Variants in TYW1B observed in about 807,000 individuals in gnomAD.
TYW1B encodes the protein S-adenosyl-L-methionine-dependent tRNA 4-demethylwyosine synthase TYW1B.
TYW1B carries 73 observed loss-of-function variants against 86.9 expected under a neutral mutation model. The ratio of observed to expected loss-of-function variants is 0.84; its 90% CI spans 0.70 to 1.02. The LOEUF is 1.02. TYW1B is among the 50% of genes least tolerant of loss of function. TYW1B has a pLI of 0.00. For synonymous variants in TYW1B, 248 were observed against 292.8 expected (o/e 0.85, Z 1.56); for missense variants, 637 against 827.4 (o/e 0.77, Z 2.82).
chr7:72,786,561 A>T (rs1290821938), intron 6 of TYW1B, among the ~76,000 whole-genome samples: 1 of 147,616 alleles, frequency 6.8e-6, no homozygotes, highest in Non-Finnish European at 1.5e-5. Context: ...CAAAGTTTTT[A>T]AATTCTTTTT....
intron 10 of TYW1B, among the ~76,000 whole-genome samples, chr7:72,705,564 A>C (rs1314746723): frequency 3.3e-5 from 5 of 152,220 alleles, no homozygotes; most frequent in Non-Finnish European, 7.3e-5. Context: ...CTCACCAAAA[A>C]AGAGCTATGA....
At chr7:72,747,171 T>C (rs1787410544) in intron 7 of TYW1B, among the ~76,000 whole-genome samples, 2 of 152,198 alleles carry the variant, frequency 1.3e-5, no homozygotes, top group African/African-American at 4.8e-5. Context: ...TCCCACGTGT[T>C]GTGGGAGAGA....
At chr7:72,805,665 T>C (rs1291346970) in intron 5 of TYW1B, among the ~76,000 whole-genome samples, 13 of 150,590 alleles carry the variant, frequency 8.6e-5, no homozygotes, top group Admixed American at 4.6e-4. Flanking sequence ...AATGAGGTCA[T>C]AGTAAGCATG....
intron 6 of TYW1B, among the ~76,000 whole-genome samples, chr7:72,796,600 A>G (rs4080128): frequency 6.6e-6 from 1 of 151,780 alleles, no homozygotes; most frequent in African/African-American, 2.4e-5. Context: ...TTTGAAGCTC[A>G]AATTGTTCCA....
chr7:72,775,199 T>C (rs1787933864), intron 7 of TYW1B, among the ~76,000 whole-genome samples: 1 of 152,078 alleles, frequency 6.6e-6, no homozygotes. Flanking sequence ...TTATTACATA[T>C]ATAACTGTAG....
At chr7:72,587,513 G>C (rs1231787053) in intron 13 of TYW1B, among the ~76,000 whole-genome samples, 6 of 152,124 alleles carry the variant, frequency 3.9e-5, no homozygotes, top group Non-Finnish European at 8.8e-5. Context: ...AACTGAAGAT[G>C]TCCTCTTGAG....
At chr7:72,743,970 C>T (rs1271245089) in intron 8 of TYW1B, among the ~76,000 whole-genome samples, 3 of 152,016 alleles carry the variant, frequency 2.0e-5, no homozygotes, top group East Asian at 1.9e-4. Flanking sequence ...TTCCCAATTG[C>T]TGTAAAGACT....
intron 11 of TYW1B, among the ~76,000 whole-genome samples, chr7:72,685,112 G>GAA (rs782187369): frequency 4.0e-5 from 4 of 98,766 alleles, no homozygotes; most frequent in Non-Finnish European, 6.2e-5. Flanking sequence ...ACTCAATCTC[G>GAA]AAAAAAAAAA....
chr7:72,585,672 G>A (rs1811257591), intron 13 of TYW1B, among the ~76,000 whole-genome samples: 1 of 152,144 alleles, frequency 6.6e-6, no homozygotes, highest in Non-Finnish European at 1.5e-5. Context: ...GTTTTACGAA[G>A]GGGGGTTTCC....
At chr7:72,759,343 A>C (rs1249028415) in intron 7 of TYW1B, among the ~76,000 whole-genome samples, 1 of 152,200 alleles carries the variant, frequency 6.6e-6, no homozygotes, top group Non-Finnish European at 1.5e-5. Context: ...TCAAAATTTT[A>C]AAAAAGCTAC....
At chr7:72,811,919 CAAAAA>C (rs66698234) in intron 3 of TYW1B, among the ~76,000 whole-genome samples, 12 of 108,652 alleles carry the variant, frequency 1.1e-4, no homozygotes, top group Non-Finnish European at 1.5e-4. Context: ...GACTCCATCT[CAAAAA>C]AAAAAAAAAA....
At chr7:72,651,531 C>T (rs1813057074) in intron 11 of TYW1B, among the ~76,000 whole-genome samples, 2 of 152,146 alleles carry the variant, frequency 1.3e-5, no homozygotes, top group African/African-American at 4.8e-5. Context: ...AGGAGAATTG[C>T]TTGAACCCGG....
At chr7:72,782,426 G>C (rs1273906302) in intron 6 of TYW1B, among the ~76,000 whole-genome samples, 1 of 152,124 alleles carries the variant, frequency 6.6e-6, no homozygotes, top group African/African-American at 2.4e-5. Context: ...AAGACTTTAA[G>C]GTAAAATGCT....
intron 13 of TYW1B, among the ~76,000 whole-genome samples, chr7:72,598,085 T>C (rs1554432984): frequency 2.0e-5 from 3 of 152,214 alleles, no homozygotes; most frequent in Non-Finnish European, 2.9e-5. Context: ...TGTATGGGTG[T>C]TGCCAAAAGA....
intron 11 of TYW1B, among the ~76,000 whole-genome samples, chr7:72,658,322 C>T (rs1397750278): frequency 6.7e-6 from 1 of 149,384 alleles, no homozygotes; most frequent in Non-Finnish European, 1.5e-5. Context: ...ACTAATTTAA[C>T]ACTGAGGTAA....
chr7:72,579,778 G>T (rs538864341), intron 13 of TYW1B, among the ~76,000 whole-genome samples: 1 of 152,090 alleles, frequency 6.6e-6, no homozygotes, highest in Non-Finnish European at 1.5e-5. Flanking sequence ...AGCCTCCTGC[G>T]TAGCTGAGAC....
chr7:72,777,357 T>C lies in TYW1B; in HGVS notation c.964+59A>G, dbSNP rs538440438. The C allele has an allele frequency of 3.8e-6, 6 of 1,578,080 alleles. No individual in the cohort carries two copies. In the African/African-American group the frequency reaches 5.4e-5, roughly 14 times the overall value. ...AATTAGAGAGAGACTTCATTCTAGGTATCAAATGAGAATGCCTAAGACTAT... is the reference window on the plus strand; with the variant it reads ...AATTAGAGAGAGACTTCATTCTAGGCATCAAATGAGAATGCCTAAGACTAT... On this transcript the variant is annotated intron_variant, in intron 7 of 13. Transcript: ENST00000620995.
intron 2 of TYW1B, among the ~76,000 whole-genome samples, chr7:72,818,813 A>G (rs1554479911): frequency 6.6e-6 from 1 of 152,020 alleles, no homozygotes; most frequent in East Asian, 1.9e-4. Flanking sequence ...ACTTTTAAAC[A>G]GCCAGATCTC....
intron 13 of TYW1B, among the ~76,000 whole-genome samples, chr7:72,611,344 A>T (rs1453515693): frequency 6.6e-6 from 1 of 152,082 alleles, no homozygotes; most frequent in Non-Finnish European, 1.5e-5. Flanking sequence ...TCCCCACCCA[A>T]ATCTCACCTT....
Sources: allele counts gnomAD v4.1 joint callset (sites outside exome capture counted in the v4.1 genomes callset), GRCh38; gene constraint gnomAD v4.1.1; transcripts MANE v1.5; gene names NCBI Gene and HGNC (gene_info 2026-07-23, HGNC 2026-07-21).